The following LANCL3 variants were observed in gnomAD, a reference collection of about 807,000 sequenced individuals.
LANCL3 encodes the protein LanC like family member 3, also known as lanC-like protein 3.
A neutral mutation model predicts 26.5 loss-of-function variants in LANCL3; 19 were observed. The observed-to-expected ratio is 0.72, with a 90% confidence interval of 0.50 to 1.05. The LOEUF (loss-of-function observed/expected upper bound fraction) is 1.05, where lower values mean the gene tolerates loss of function less well. LANCL3 is among the 50% of genes least tolerant of loss of function. The pLI is 0.00. For synonymous variants in LANCL3, 160 were observed against 166.6 expected (o/e 0.96, Z 0.30); for missense variants, 318 against 362.7 (o/e 0.88, Z 1.00).
intron 1 of LANCL3, among the ~76,000 whole-genome samples, chrX:37,631,546 G>T (rs782462391): frequency 9.1e-6 from 1 of 110,493 alleles, no homozygotes; most frequent in African/African-American, 3.3e-5. Flanking sequence ...GTGATGTTAG[G>T]GTGTCAATTT....
chrX:37,650,711 G>A (rs149002249), intron 1 of LANCL3, among the ~76,000 whole-genome samples: 1 of 106,561 alleles, frequency 9.4e-6, no homozygotes. Flanking sequence ...ATCTGCTGCA[G>A]TCTCCTTTCA....
At chrX:37,630,992 T>A (rs1925483193) in intron 1 of LANCL3, among the ~76,000 whole-genome samples, 1 of 111,983 alleles carries the variant, frequency 8.9e-6, no homozygotes, top group Admixed American at 9.4e-5. Context: ...GATTCCCTCT[T>A]TTTCTATTGA....
At chrX:37,588,471 T>C (rs782616529) in intron 1 of LANCL3, among the ~76,000 whole-genome samples, 1 of 111,642 alleles carries the variant, frequency 9.0e-6, no homozygotes, top group Non-Finnish European at 1.9e-5. Flanking sequence ...TATGCATGTG[T>C]ATATAAGATA....
At chrX:37,629,217 CA>C (rs1191077732) in intron 1 of LANCL3, among the ~76,000 whole-genome samples, 1 of 109,085 alleles carries the variant, frequency 9.2e-6, no homozygotes, top group African/African-American at 3.4e-5. Context: ...GGCATTTTTT[CA>C]TGTGTTTTTT....
Position 37,572,015 on chromosome X carries a change from G to A in LANCL3, c.145G>A (p.Ala49Thr). ...GGAGCTTCCCCCACTCGGGGGCGGCGCGGAGGCCCGAGGGGCGACGGCGGG... is the reference window on the plus strand; with the variant it reads ...GGAGCTTCCCCCACTCGGGGGCGGCACGGAGGCCCGAGGGGCGACGGCGGG... ...LQELPPLGGGAEARGATAGAS... is the reference protein window; with the variant it reads ...LQELPPLGGGTEARGATAGAS... The change falls in exon 1 of 5, where the codon GCG (alanine) becomes ACG (threonine). Residue 49 changes from alanine (A) to threonine (T), a missense_variant. Transcript: ENST00000378619. 8.4e-7 allele frequency: 1 copy of A among 1,186,593 alleles called. No individual in the cohort carries two copies. Among genetic ancestry groups the A allele is most frequent in the Non-Finnish European group, 1.1e-6 (1 of 883,258 alleles).
At chrX:37,602,449 A>C (rs1432804948) in intron 1 of LANCL3, among the ~76,000 whole-genome samples, 2 of 112,185 alleles carry the variant, frequency 1.8e-5, no homozygotes, top group African/African-American at 6.5e-5. Context: ...GATAAGAAGC[A>C]ACCCATAAGG....
chrX:37,598,988 TA>T (rs1439019265), intron 1 of LANCL3, among the ~76,000 whole-genome samples: 1 of 112,400 alleles, frequency 8.9e-6, no homozygotes, highest in Non-Finnish European at 1.9e-5. Flanking sequence ...AAGATTTTTT[TA>T]AAAAAGTATA....
At chrX:37,578,322 G>A (rs1179631345) in intron 1 of LANCL3, among the ~76,000 whole-genome samples, 47 of 112,169 alleles carry the variant, frequency 4.2e-4, no homozygotes, top group African/African-American at 1.5e-3. Flanking sequence ...TCATTGACAG[G>A]TACCGACACG....
chrX:37,572,095 G>T lies in LANCL3; in HGVS notation c.225G>T (p.Met75Ile). 8.4e-7 allele frequency: 1 copy of T among 1,189,317 alleles called. No individual in the cohort carries two copies. The change falls in exon 1 of 5, where the codon ATG (methionine) becomes ATT (isoleucine). Residue 75 changes from methionine (M) to isoleucine (I), a missense_variant. Coordinates refer to ENST00000378619, the MANE Select transcript of LANCL3 (RefSeq NM_001170331.2). The stretch of plus-strand genomic sequence containing the variant: ...GCGGCGTGGCCGGAGTGGCGTATAT[G>T]CTCTACCACGTCTCGCAGAGCCCGC... ...LYGGVAGVAY[M>I]LYHVSQSPLF...
In LANCL3 at chrX:37,679,222, T is replaced by C. The variant is rs985985532; in HGVS notation, c.*3409T>C. On this transcript the variant is annotated 3_prime_UTR_variant, in exon 5 of 5. Transcript: ENST00000378619. ...AAGGGATGTTATATTTTACCCACTA[T>C]ATACATAGAAAAATCATGCCCAGTT... 4.5e-5 allele frequency: 5 copies of C among 112,127 alleles called. No homozygotes were observed. The highest frequency in any genetic ancestry group is 9.5e-5 in the Admixed American group (1 of 10,546). 9.2% of individuals were successfully genotyped at this position (112,127 alleles called of 1,213,427 possible).
At chrX:37,618,188 G>T (rs1009111940) in intron 1 of LANCL3, among the ~76,000 whole-genome samples, 3 of 112,274 alleles carry the variant, frequency 2.7e-5, no homozygotes, top group African/African-American at 9.7e-5. Context: ...GAGCTTCACA[G>T]GTATGTATGG....
At chrX:37,622,212 G>T (rs1925183094) in intron 1 of LANCL3, among the ~76,000 whole-genome samples, 1 of 111,198 alleles carries the variant, frequency 9.0e-6, no homozygotes, top group Non-Finnish European at 1.9e-5. Flanking sequence ...ATAAAGGAAA[G>T]TTTCCAATGC....
intron 1 of LANCL3, among the ~76,000 whole-genome samples, chrX:37,585,652 G>T (rs1290591279): frequency 9.0e-6 from 1 of 111,488 alleles, no homozygotes; most frequent in African/African-American, 3.3e-5. Context: ...TTGCTTGGTA[G>T]ATCTCCCTCC....
chrX:37,598,076 T>C (rs1444553220), intron 1 of LANCL3, among the ~76,000 whole-genome samples: 2 of 111,209 alleles, frequency 1.8e-5, no homozygotes, highest in Admixed American at 9.5e-5. Context: ...TTATCAGAAA[T>C]ATGATTTGCA....
rs181780932 is a variant in LANCL3, at chrX:37,682,072, T to C, written c.*6259T>C. ...TTTCTTAAGTAGAGTAATGCAATTC[T>C]TGCTGATGTTTTATTTTTATTTTTA... On this transcript the variant is annotated 3_prime_UTR_variant, in exon 5 of 5. Coordinates refer to ENST00000378619, the MANE Select transcript of LANCL3 (RefSeq NM_001170331.2). 6.3e-5 allele frequency: 7 copies of C among 111,810 alleles called. No individual in the cohort carries two copies. The highest frequency in any genetic ancestry group is 1.9e-4 in the African/African-American group (6 of 30,874). 9.2% of individuals were successfully genotyped at this position (111,810 alleles called of 1,213,427 possible).
chrX:37,654,821 G>C (rs782053544), intron 1 of LANCL3, among the ~76,000 whole-genome samples: 1 of 112,029 alleles, frequency 8.9e-6, no homozygotes, highest in African/African-American at 3.2e-5. Context: ...ATAGTCTAGT[G>C]AGAGAGAAAG....
intron 1 of LANCL3, among the ~76,000 whole-genome samples, chrX:37,582,425 C>A (rs1231030470): frequency 1.8e-5 from 2 of 111,837 alleles, no homozygotes; most frequent in Non-Finnish European, 3.8e-5. Flanking sequence ...CCTGTTTCCC[C>A]ACATGCTCTC....
At chrX:37,660,441 G>A (rs1556432305) in intron 3 of LANCL3, among the ~76,000 whole-genome samples, 2 of 111,943 alleles carry the variant, frequency 1.8e-5, no homozygotes, top group African/African-American at 6.5e-5. Context: ...CTGTGGAATT[G>A]AGGCTAGAAA....
At chrX:37,588,096 G>C (rs1479088713) in intron 1 of LANCL3, among the ~76,000 whole-genome samples, 11 of 112,302 alleles carry the variant, frequency 9.8e-5, no homozygotes, top group Non-Finnish European at 1.3e-4. Context: ...TGTTTTAATG[G>C]AATTTTATTA....
Sources: allele counts gnomAD v4.1 joint callset (sites outside exome capture counted in the v4.1 genomes callset), GRCh38; gene constraint gnomAD v4.1.1; transcripts MANE v1.5; gene names NCBI Gene and HGNC (gene_info 2026-07-23, HGNC 2026-07-21).